The following TPM3 variants were observed in gnomAD, a reference collection of about 807,000 sequenced individuals.
TPM3 encodes tropomyosin 3.
Under a neutral mutation model 43.1 loss-of-function variants are expected in TPM3, and 16 were observed. That is an observed-to-expected ratio of 0.37 (90% CI 0.25 to 0.56). The LOEUF (loss-of-function observed/expected upper bound fraction) is 0.56. TPM3 is among the 20% of genes least tolerant of loss of function. The pLI is 0.77. For synonymous variants in TPM3, 101 were observed against 116.9 expected, an observed-to-expected ratio of 0.86 and a Z score of 0.88; for missense variants, 176 against 337.2, an observed-to-expected ratio of 0.52 and a Z score of 3.74.
chr1:154,160,471 A>G (rs1660235011), downstream of TPM3, among the ~76,000 whole-genome samples: 1 of 152,230 alleles, frequency 6.6e-6, no homozygotes, highest in Non-Finnish European at 1.5e-5. Flanking sequence ...ATGTGTAAAA[A>G]GCCTGGGAGG....
At chr1:154,170,993 C>T in intron 6 of TPM3, 1 of 531,166 alleles carries the variant, frequency 1.9e-6, no homozygotes, top group African/African-American at 1.9e-5. Context: ...TTTCCTTTCC[C>T]CTGCTTGATG....
chr1:154,179,959 A>G (rs1018401104), intron 2 of TPM3, among the ~76,000 whole-genome samples: 4 of 152,234 alleles, frequency 2.6e-5, no homozygotes, highest in Non-Finnish European at 5.9e-5. Flanking sequence ...GGTGAACTGT[A>G]CATTTATAAA....
In TPM3 at chr1:154,175,158, T is replaced by C. The variant is rs1002409175; in HGVS notation, c.377+957A>G. ...CATCCTGGCTAATACGGTGAAACCC[T>C]GTCTCTACTAAAAATACAAAAAATT... On this transcript the variant is annotated intron_variant, in intron 3 of 9. Coordinates refer to ENST00000651641, the MANE Select transcript of TPM3 (RefSeq NM_152263.4). Among the ~76,000 whole-genome samples, 8 of 151,920 alleles carry C rather than the reference T, an allele frequency of 5.3e-5. No homozygotes were observed. The East Asian group carries it at 7.8e-4, about 15-fold the overall frequency.
intron 8 of TPM3, 186 bp from the exon 9 acceptor site, chr1:154,169,569 A>G (rs1002846694): frequency 4.7e-6 from 3 of 632,230 alleles, no homozygotes; most frequent in Non-Finnish European, 8.4e-6. Context: ...CCTATGACCA[A>G]CTTCCTTTCT....
chr1:154,161,689 C>T (rs1558028646), downstream of TPM3, among the ~76,000 whole-genome samples: 1 of 151,756 alleles, frequency 6.6e-6, no homozygotes, highest in Non-Finnish European at 1.5e-5. Context: ...GTGATCTGCC[C>T]GCCTCCCAAA....
chr1:154,179,332 G>A (rs1387170171), intron 2 of TPM3, among the ~76,000 whole-genome samples: 2 of 152,200 alleles, frequency 1.3e-5, no homozygotes, highest in Admixed American at 1.3e-4. Context: ...CCTCTCCCCT[G>A]TGAGTGTGTG....
In TPM3 at chr1:154,162,364, CAAA is replaced by C. The variant is rs58289686; in HGVS notation, c.*5570_*5572del. Among the ~76,000 whole-genome samples, 1,382 of 75,040 alleles carry C rather than the reference CAAA, an allele frequency of 0.018. 22 individuals carry two copies. The highest frequency in any genetic ancestry group is 0.065 in the African/African-American group (1,318 of 20,304). 49.2% of individuals were successfully genotyped at this position (75,040 alleles called of 152,430 possible). On this transcript the variant is annotated 3_prime_UTR_variant, in exon 10 of 10. Coordinates refer to ENST00000651641, the MANE Select transcript of TPM3 (RefSeq NM_152263.4). Reference sequence around the variant, plus strand: ...TGGGCAACAGAGCAAGACTCCGTCTCAAAAAAAAAAAAAAAAAAAAACACAAAC... The same window carrying C: ...TGGGCAACAGAGCAAGACTCCGTCTCAAAAAAAAAAAAAAAAAACACAAAC...
downstream of TPM3, chr1:154,156,196 G>A (rs4540651): frequency 0.61 from 107,768 of 175,474 alleles, 34,526 homozygotes; most frequent in East Asian, 0.93. Flanking sequence ...GAGCCATTAC[G>A]CTCCAGCCCA....
intron 9 of TPM3, 99 bp from the exon 10 acceptor site, chr1:154,168,039 G>A (rs1661173552): frequency 1.3e-6 from 2 of 1,543,676 alleles, no homozygotes; most frequent in Admixed American, 3.5e-5. Flanking sequence ...AGAGGTGGCA[G>A]CAGGAATAAT....
At chr1:154,190,864 A>G (rs565523795) in intron 2 of TPM3, among the ~76,000 whole-genome samples, 2 of 152,266 alleles carry the variant, frequency 1.3e-5, no homozygotes, top group South Asian at 4.1e-4. Flanking sequence ...GAGGTAGGAT[A>G]AGTGACAGCA....
Position 154,166,861 on chromosome 1 carries a change from T to G in TPM3, c.*1076A>C, listed in dbSNP as rs1281260597. 6.6e-6 allele frequency among the ~76,000 whole-genome samples: 1 copy of G among 152,080 alleles called. No individual in the cohort carries two copies. The highest frequency in any genetic ancestry group is 1.9e-4 in the East Asian group (1 of 5,176). On this transcript the variant is annotated 3_prime_UTR_variant, in exon 10 of 10. Transcript: ENST00000651641. ...CCATGCCCAGCTAATTTTTGTATTT[T>G]TAGTAGAGACGGGGTTTCACCATGT...
chr1:154,167,601 A>G lies in TPM3; in HGVS notation c.*336T>C. ...TCAGCTGAGTTTAAATGTCAAGAAA[A>G]AATAGACACACACAAAAGTGGCTTT... On this transcript the variant is annotated 3_prime_UTR_variant, in exon 10 of 10. Coordinates refer to ENST00000651641, the MANE Select transcript of TPM3 (RefSeq NM_152263.4). 8.2e-7 allele frequency: 1 copy of G among 1,215,568 alleles called. No individual in the cohort carries two copies. Among genetic ancestry groups the G allele is most frequent in the Non-Finnish European group, 1.0e-6 (1 of 966,850 alleles). 75.3% of individuals were successfully genotyped at this position (1,215,568 alleles called of 1,614,324 possible). A position where few individuals can be genotyped will look rare whatever the true frequency, so the allele number is the denominator to read the frequency against.
At chr1:154,156,401 T>C (rs1659811522), downstream of TPM3, 4 of 187,902 alleles carry the variant, frequency 2.1e-5, no homozygotes, top group African/African-American at 7.0e-5. Flanking sequence ...AAGACACTTG[T>C]CAATATTCAG....
chr1:154,176,027 C>G, intron 3 of TPM3, 88 bp downstream of exon 3: 1 of 1,598,902 alleles, frequency 6.3e-7, no homozygotes, highest in South Asian at 1.1e-5. Context: ...GCCAGAATTG[C>G]TATTTAGAAA....
rs568538176 is a variant in TPM3, at chr1:154,186,816, G to T, written c.243+4370C>A. ...AGGGAGGAAAAAAAAGTTTGGACTC[G>T]CCTTGCCATACCCTTGCCCTTTCTT... On this transcript the variant is annotated intron_variant, in intron 2 of 9. Coordinates refer to ENST00000651641, the MANE Select transcript of TPM3 (RefSeq NM_152263.4). Among the ~76,000 whole-genome samples, 118 of 151,702 alleles carry T rather than the reference G, an allele frequency of 7.8e-4. 1 individual carries two copies. Among genetic ancestry groups the T allele is most frequent in the Non-Finnish European group, 7.4e-5 (5 of 68,024 alleles).
chr1:154,166,462 A>C lies in TPM3; in HGVS notation c.*1475T>G. 1 of 911,226 alleles carries C rather than the reference A, an allele frequency of 1.1e-6. No individual in the cohort carries two copies. Among genetic ancestry groups the C allele is most frequent in the East Asian group, 5.4e-5 (1 of 18,470 alleles). The allele number at this position is 911,226 out of a possible 1,614,324, so 56.4% of individuals were successfully genotyped here. On this transcript the variant is annotated 3_prime_UTR_variant, in exon 10 of 10. Coordinates refer to ENST00000651641, the MANE Select transcript of TPM3 (RefSeq NM_152263.4). ...ACATCTGACCTGCATAGCACACTAC[A>C]GTGCAGAACTCCTGGGCTCAAGCAA...
intron 2 of TPM3, among the ~76,000 whole-genome samples, chr1:154,178,748 C>T (rs1284262241): frequency 1.3e-5 from 2 of 152,168 alleles, no homozygotes; most frequent in Admixed American, 6.6e-5. Flanking sequence ...CATCCAGATG[C>T]GGTTTTGGTG....
chr1:154,191,769 A>G (rs553011558), intron 1 of TPM3, 133 bp downstream of exon 1: 7 of 1,589,808 alleles, frequency 4.4e-6, no homozygotes, highest in African/African-American at 4.0e-5. Context: ...CTGCTCCTCC[A>G]GTGAGGCTGG....
intron 9 of TPM3, among the ~76,000 whole-genome samples, chr1:154,168,609 T>C (rs1229835982): frequency 1.3e-5 from 2 of 151,974 alleles, no homozygotes; most frequent in African/African-American, 4.8e-5. Context: ...GCAACCTCCA[T>C]CTCCTGGTTT....
Sources: allele counts gnomAD v4.1 joint callset (sites outside exome capture counted in the v4.1 genomes callset), GRCh38; gene constraint gnomAD v4.1.1; transcripts MANE v1.5; gene names NCBI Gene and HGNC (gene_info 2026-07-23, HGNC 2026-07-21).